The following EHBP1 variants were observed in gnomAD, a reference collection of about 807,000 sequenced individuals.
EHBP1 encodes the protein EH domain-binding protein 1.
A neutral mutation model predicts 144.0 loss-of-function variants in EHBP1; 55 were observed. The observed-to-expected ratio is 0.38, with a 90% CI of 0.31 to 0.48. The LOEUF (loss-of-function observed/expected upper bound fraction) is 0.48, where lower values mean the gene tolerates loss of function less well. Ranked by LOEUF, EHBP1 falls within the 20% of genes least tolerant of loss-of-function variation. The pLI, the probability that EHBP1 is intolerant of heterozygous loss-of-function variation, is 0.98. For missense variants in EHBP1, 1,200 were observed against 1,364.2 expected, an observed-to-expected ratio of 0.88 and a Z score of 1.90; for synonymous variants, 469 against 472.7, an observed-to-expected ratio of 0.99 and a Z score of 0.10.
At chr2:62,683,905 C>T (rs1032233162) in intron 1 of EHBP1, among the ~76,000 whole-genome samples, 5 of 152,054 alleles carry the variant, frequency 3.3e-5, no homozygotes, top group Admixed American at 2.6e-4. Context: ...TTCAGGCTCA[C>T]CCACCATGGA....
chr2:62,793,425 AAAACCC>A (rs1377639541), intron 5 of EHBP1, among the ~76,000 whole-genome samples: 1 of 152,096 alleles, frequency 6.6e-6, no homozygotes, highest in Admixed American at 6.6e-5. Context: ...ATTATTATAC[AAAACCC>A]ATCATTCACC....
At position 63,037,709 on chromosome 2, in the gene EHBP1, G is replaced by T. The variant is rs1035890881; in HGVS notation, c.3203+75G>T. On this transcript the variant is annotated intron_variant, in intron 20 of 22. Coordinates refer to ENST00000431489, the MANE Select transcript of EHBP1 (RefSeq NM_001142616.3). ...AGGCCTCTTGTTATTGCCTTCTTTGGGATTTAATATTTATTCGGTATTTTC... is the reference window on the plus strand; with the variant it reads ...AGGCCTCTTGTTATTGCCTTCTTTGTGATTTAATATTTATTCGGTATTTTC... 12 of 801,318 alleles carry T rather than the reference G, an allele frequency of 1.5e-5. No homozygotes were observed. In the African/African-American group the frequency reaches 1.8e-4, roughly 12 times the overall value. The allele number at this position is 801,318 out of a possible 1,614,324, so 49.6% of individuals were successfully genotyped here. A position where few individuals can be genotyped will look rare whatever the true frequency, so the allele number is the denominator to read the frequency against.
In EHBP1 at chr2:62,926,356, AG is replaced by A. The variant is rs560145442; in HGVS notation, c.1186-16361del. 2.6e-4 allele frequency among the ~76,000 whole-genome samples: 40 copies of A among 152,282 alleles called. No homozygotes were observed. The South Asian group carries it at 8.1e-3, about 31-fold the overall frequency. ...CAAATGGGATTACATCAAACCAAAA[AG>A]CTTCTGCACAGCAAAGAAAACAGCA... On this transcript the variant is annotated intron_variant, in intron 10 of 22. Coordinates refer to ENST00000431489, the MANE Select transcript of EHBP1 (RefSeq NM_001142616.3).
intron 12 of EHBP1, among the ~76,000 whole-genome samples, chr2:62,945,069 C>A (rs2056986599): frequency 6.6e-6 from 1 of 152,196 alleles, no homozygotes; most frequent in African/African-American, 2.4e-5. Context: ...ATAGTGTTAA[C>A]CATGCCTGAG....
intron 15 of EHBP1, among the ~76,000 whole-genome samples, chr2:62,981,898 C>A (rs1284173631): frequency 2.0e-5 from 3 of 152,124 alleles, no homozygotes; most frequent in Non-Finnish European, 1.5e-5. Context: ...ACCAAAGTGA[C>A]CAGGGTCTAT....
chr2:62,860,139 C>T (rs922215837), intron 8 of EHBP1, among the ~76,000 whole-genome samples: 5 of 152,108 alleles, frequency 3.3e-5, no homozygotes, highest in Non-Finnish European at 7.3e-5. Context: ...AGTGTGTATT[C>T]ATGAGTTTTT....
At chr2:62,820,916 T>G (rs1171672136) in intron 5 of EHBP1, among the ~76,000 whole-genome samples, 1 of 151,038 alleles carries the variant, frequency 6.6e-6, no homozygotes, top group African/African-American at 2.4e-5. Context: ...ACATGCAGCT[T>G]GTAAGGTACT....
intron 7 of EHBP1, among the ~76,000 whole-genome samples, chr2:62,843,406 A>G (rs2048061026): frequency 1.3e-5 from 2 of 152,040 alleles, no homozygotes; most frequent in East Asian, 3.8e-4. Flanking sequence ...GTAATTCAAA[A>G]CTAGTTTTCT....
chr2:63,042,091 A>G (rs888167274), intron 21 of EHBP1, among the ~76,000 whole-genome samples: 11 of 152,274 alleles, frequency 7.2e-5, no homozygotes, highest in African/African-American at 2.2e-4. Context: ...ACTTAATCCT[A>G]TTTGTTACAA....
At chr2:62,918,848 G>A (rs191018518) in intron 10 of EHBP1, among the ~76,000 whole-genome samples, 1 of 152,256 alleles carries the variant, frequency 6.6e-6, no homozygotes, top group East Asian at 1.9e-4. Context: ...AAATAACGGG[G>A]TAGCAAGCAC....
intron 10 of EHBP1, among the ~76,000 whole-genome samples, chr2:62,888,804 C>T (rs1326865449): frequency 6.6e-6 from 1 of 152,118 alleles, no homozygotes; most frequent in Non-Finnish European, 1.5e-5. Context: ...GGGATTTTAT[C>T]TGGAGTATTT....
At chr2:62,907,215 A>G (rs1332245966) in intron 10 of EHBP1, among the ~76,000 whole-genome samples, 1 of 152,144 alleles carries the variant, frequency 6.6e-6, no homozygotes, top group Non-Finnish European at 1.5e-5. Flanking sequence ...CTGCCAAATG[A>G]TTTTCTTAGA....
At chr2:62,793,110 ATTTG>A (rs1270196015) in intron 5 of EHBP1, among the ~76,000 whole-genome samples, 4 of 151,936 alleles carry the variant, frequency 2.6e-5, no homozygotes, top group African/African-American at 7.2e-5. Context: ...TTAGGGTGCT[ATTTG>A]TTTGCATTTA....
Position 63,041,389 on chromosome 2 carries a change from T to G in EHBP1, c.3277+2573T>G, listed in dbSNP as rs370030086. On this transcript the variant is annotated intron_variant, in intron 21 of 22. Coordinates refer to ENST00000431489, the MANE Select transcript of EHBP1 (RefSeq NM_001142616.3). ...AAGATAAATTCATTTCTGCACACAT[T>G]GGGGTGGGCTTTTAGAAAGTGGTAT... Among the ~76,000 whole-genome samples, 4 of 152,094 alleles carry G rather than the reference T, an allele frequency of 2.6e-5. No homozygotes were observed. In the South Asian group the frequency reaches 8.3e-4, roughly 31 times the overall value.
chr2:62,942,065 G>A (rs540307366), intron 10 of EHBP1, among the ~76,000 whole-genome samples: 7 of 152,120 alleles, frequency 4.6e-5, no homozygotes, highest in Non-Finnish European at 8.8e-5. Context: ...TTCAAAAGTA[G>A]CTCTCAATGA....
intron 10 of EHBP1, among the ~76,000 whole-genome samples, chr2:62,906,994 A>G (rs1197466275): frequency 6.6e-6 from 1 of 152,178 alleles, no homozygotes; most frequent in East Asian, 1.9e-4. Flanking sequence ...TCTTATTACT[A>G]AGTAGTATTT....
chr2:62,943,376 C>CAAAAAAAAAAAAAAAAAAAAAAA (rs11306610), intron 11 of EHBP1, among the ~76,000 whole-genome samples: 1 of 87,858 alleles, frequency 1.1e-5, no homozygotes, highest in African/African-American at 4.7e-5. Flanking sequence ...AACTCCGTCT[C>CAAAAAAAAAAAAAAAAAAAAAAA]AAAAAAAAAA....
chr2:62,694,611 G>C (rs1005238868), intron 1 of EHBP1, among the ~76,000 whole-genome samples: 8 of 151,932 alleles, frequency 5.3e-5, no homozygotes, highest in Non-Finnish European at 1.2e-4. Context: ...TTGTATTAAG[G>C]GTAGACATTT....
chr2:63,033,843 T>G (rs974568063), intron 19 of EHBP1, among the ~76,000 whole-genome samples: 4 of 152,162 alleles, frequency 2.6e-5, no homozygotes, highest in East Asian at 1.9e-4. Flanking sequence ...GACTATTGCA[T>G]GTACTGCTCT....
Sources: gnomAD v4.1 joint callset for allele counts (sites outside exome capture counted in the v4.1 genomes callset) on GRCh38, gnomAD v4.1.1 for gene constraint, MANE v1.5 for transcripts, NCBI Gene and HGNC (gene_info 2026-07-23, HGNC 2026-07-21) for gene names.